DYRK1A: variants seen among roughly 807,000 people sequenced by gnomAD.
The protein encoded by DYRK1A is dual specificity tyrosine phosphorylation regulated kinase 1A.
DYRK1A carries 9 observed loss-of-function variants against 79.7 expected under a neutral mutation model. The ratio of observed to expected loss-of-function variants is 0.11; its 90% confidence interval spans 0.07 to 0.20. The LOEUF (loss-of-function observed/expected upper bound fraction) is 0.20. Among genes scored for constraint, DYRK1A ranks in the 10% least tolerant of loss-of-function variants. The probability of loss-of-function intolerance (pLI) is 1.00; values close to 1 mark genes in which losing one functional copy is unlikely to be tolerated. For missense variants in DYRK1A, 622 were observed against 956.0 expected (o/e 0.65, Z 4.61); for synonymous variants, 349 against 329.7 (o/e 1.06, Z -0.63).
At chr21:37,411,792 T>C (rs2050250305) in intron 1 of DYRK1A, among the ~76,000 whole-genome samples, 1 of 152,232 alleles carries the variant, frequency 6.6e-6, no homozygotes, top group Admixed American at 6.5e-5. Flanking sequence ...GTTTCTCTCT[T>C]CTGAGATAAC....
In DYRK1A at chr21:37,380,738, C is replaced by A. The variant is rs74320167; in HGVS notation, c.-77+13110C>A. On this transcript the variant is annotated intron_variant, in intron 1 of 11. Coordinates refer to ENST00000647188, the MANE Select transcript of DYRK1A (RefSeq NM_001347721.2). ...AATTGTCTCTCCTAAAAAAAAAAAACCTACACAATTATTTGATGATTTATT... is the reference window on the plus strand; with the variant it reads ...AATTGTCTCTCCTAAAAAAAAAAAAACTACACAATTATTTGATGATTTATT... 2.6e-5 allele frequency among the ~76,000 whole-genome samples: 4 copies of A among 151,430 alleles called. No individual in the cohort carries two copies. In the East Asian group the frequency reaches 5.8e-4, roughly 22 times the overall value.
At chr21:37,407,868 T>C (rs2050176545) in intron 1 of DYRK1A, among the ~76,000 whole-genome samples, 1 of 152,194 alleles carries the variant, frequency 6.6e-6, no homozygotes. Context: ...CTGTCTCTAT[T>C]GCCCAGCTTG....
chr21:37,468,167 AGTG>A (rs2148544975), intron 2 of DYRK1A, among the ~76,000 whole-genome samples: 1 of 152,192 alleles, frequency 6.6e-6, no homozygotes, highest in South Asian at 2.1e-4. Flanking sequence ...GAGCACATAC[AGTG>A]GCACAATCAT....
chr21:37,440,482 T>A (rs1170716799), intron 2 of DYRK1A, among the ~76,000 whole-genome samples: 2 of 152,164 alleles, frequency 1.3e-5, no homozygotes, highest in Admixed American at 1.3e-4. Context: ...GCAGAAGCCA[T>A]TGATTTAAGA....
chr21:37,446,991 A>C (rs11701206), intron 2 of DYRK1A, among the ~76,000 whole-genome samples: 11,973 of 152,030 alleles, frequency 0.079, 695 homozygotes, highest in Non-Finnish European at 0.12. Flanking sequence ...CATTGCTACC[A>C]CTTGTCCCCT....
At chr21:37,467,226 A>G (rs2148542502) in intron 2 of DYRK1A, among the ~76,000 whole-genome samples, 1 of 152,162 alleles carries the variant, frequency 6.6e-6, no homozygotes, top group South Asian at 2.1e-4. Flanking sequence ...ATCGCATTCC[A>G]GAAATGGAAA....
chr21:37,442,530 T>C (rs942239132), intron 2 of DYRK1A, among the ~76,000 whole-genome samples: 3 of 152,206 alleles, frequency 2.0e-5, no homozygotes, highest in Non-Finnish European at 4.4e-5. Context: ...TTTTACCCTT[T>C]GTGTTTTTTA....
chr21:37,416,480 TC>T (rs760030895), intron 1 of DYRK1A, among the ~76,000 whole-genome samples: 1 of 152,000 alleles, frequency 6.6e-6, no homozygotes, highest in Non-Finnish European at 1.5e-5. Flanking sequence ...AGATTTTTTT[TC>T]TTGTGTGTTA....
intron 2 of DYRK1A, among the ~76,000 whole-genome samples, chr21:37,465,310 A>G (rs1465991096): frequency 6.6e-6 from 1 of 152,216 alleles, no homozygotes; most frequent in Non-Finnish European, 1.5e-5. Context: ...GTCACCTAGC[A>G]TATCACCGTT....
chr21:37,453,021 G>A lies in DYRK1A; in HGVS notation c.11-19663G>A, dbSNP rs550275134. On this transcript the variant is annotated intron_variant, in intron 2 of 11. Transcript: ENST00000647188. ...GCATTTTGGGAGGGCAAGGCAGGTG[G>A]ACTGCTTGAGGCCAGGAGTTCCAAG... Among the ~76,000 whole-genome samples, 3 of 152,302 alleles carry A rather than the reference G, an allele frequency of 2.0e-5. No individual in the cohort carries two copies. The South Asian group carries it at 6.2e-4, about 32-fold the overall frequency.
At chr21:37,472,474 A>T (rs1032801303) in intron 2 of DYRK1A, among the ~76,000 whole-genome samples, 4 of 152,236 alleles carry the variant, frequency 2.6e-5, no homozygotes, top group African/African-American at 9.6e-5. Flanking sequence ...TTTTCTCAAT[A>T]CAAGTTTATA....
In DYRK1A at chr21:37,490,165, T is replaced by C. The variant is rs2053033754; in HGVS notation, c.638-10T>C. On this transcript the variant is annotated splice_polypyrimidine_tract_variant and intron_variant, in intron 6 of 11. Coordinates refer to ENST00000647188, the MANE Select transcript of DYRK1A (RefSeq NM_001347721.2). ...TATATAATTTAAAATGAAACTGTTT[T>C]CTCTTTCAGTGCATTTGAAACGCCA... The C allele has an allele frequency of 6.2e-7, 1 of 1,606,640 alleles. No homozygotes were observed. The highest frequency in any genetic ancestry group is 1.7e-5 in the Admixed American group (1 of 59,098).
chr21:37,411,411 GT>G (rs1237398472), intron 1 of DYRK1A, among the ~76,000 whole-genome samples: 2 of 145,030 alleles, frequency 1.4e-5, no homozygotes, highest in Non-Finnish European at 3.0e-5. Context: ...AAGGTTTGTA[GT>G]TTTGACTGAA....
chr21:37,468,487 C>T (rs1000542159), intron 2 of DYRK1A, among the ~76,000 whole-genome samples: 2 of 152,078 alleles, frequency 1.3e-5, no homozygotes, highest in African/African-American at 4.8e-5. Flanking sequence ...AGGTAGTGTC[C>T]AGTTCTTGAA....
intron 2 of DYRK1A, among the ~76,000 whole-genome samples, chr21:37,461,341 C>T (rs554884392): frequency 7.0e-4 from 106 of 152,232 alleles, no homozygotes; most frequent in African/African-American, 2.5e-3. Flanking sequence ...TTCTCCTGTC[C>T]TTTGTGCTGT....
At chr21:37,455,884 T>G (rs2051621499) in intron 2 of DYRK1A, among the ~76,000 whole-genome samples, 1 of 152,208 alleles carries the variant, frequency 6.6e-6, no homozygotes, top group South Asian at 2.1e-4. Context: ...ATGGATTTAA[T>G]TGATTTGCCC....
chr21:37,448,569 T>C (rs2051345484), intron 2 of DYRK1A, among the ~76,000 whole-genome samples: 1 of 152,232 alleles, frequency 6.6e-6, no homozygotes, highest in Non-Finnish European at 1.5e-5. Context: ...ACATGAAATA[T>C]TATAGGTATG....
chr21:37,390,567 G>A (rs1000008440), intron 1 of DYRK1A, among the ~76,000 whole-genome samples: 3 of 151,972 alleles, frequency 2.0e-5, no homozygotes, highest in Non-Finnish European at 2.9e-5. Flanking sequence ...ACATTTTGTC[G>A]TTACTGTTTT....
intron 1 of DYRK1A, among the ~76,000 whole-genome samples, chr21:37,392,998 C>T (rs1368893108): frequency 1.3e-5 from 2 of 152,236 alleles, no homozygotes. Context: ...TGGCATTAAC[C>T]AATCTGTGAG....
Sources: gnomAD v4.1 joint callset for allele counts (sites outside exome capture counted in the v4.1 genomes callset) on GRCh38, gnomAD v4.1.1 for gene constraint, MANE v1.5 for transcripts, NCBI Gene and HGNC (gene_info 2026-07-23, HGNC 2026-07-21) for gene names.